Variants in ZNF563 observed in about 807,000 individuals in gnomAD.
ZNF563 encodes the protein zinc finger protein 563.
ZNF563 carries 39 observed loss-of-function variants against 48.5 expected under a neutral mutation model. The ratio of observed to expected loss-of-function variants is 0.80; its 90% CI spans 0.62 to 1.05. The LOEUF (loss-of-function observed/expected upper bound fraction) is 1.05, where lower values mean the gene tolerates loss of function less well. ZNF563 is among the 50% of genes least tolerant of loss of function. The pLI, the probability that ZNF563 is intolerant of heterozygous loss-of-function variation, is 0.00. For missense variants in ZNF563, 538 were observed against 597.0 expected, an observed-to-expected ratio of 0.90 and a Z score of 1.03; for synonymous variants, 168 against 187.9, an observed-to-expected ratio of 0.89 and a Z score of 0.87.
intron 1 of ZNF563, among the ~76,000 whole-genome samples, chr19:12,330,596 C>T (rs1277691665): frequency 3.3e-5 from 5 of 152,140 alleles, no homozygotes; most frequent in Non-Finnish European, 5.9e-5. Context: ...GGAACAAGAG[C>T]ATCTATTTAA....
chr19:12,320,325 T>G (rs1039658416), intron 3 of ZNF563, among the ~76,000 whole-genome samples: 4 of 152,056 alleles, frequency 2.6e-5, no homozygotes, highest in African/African-American at 9.7e-5. Context: ...GGGTTTTTTT[T>G]TTTTCCTTTT....
At chr19:12,345,875 GCCT>G in the ZNF563 span, 14 of 152,198 alleles carry the variant, frequency 9.2e-5, no homozygotes, top group African/African-American at 3.1e-4. Context: ...TCAAGATCAT[GCCT>G]CTGCACTCCA....
intron 1 of ZNF563, among the ~76,000 whole-genome samples, chr19:12,330,984 C>T (rs1968904129): frequency 6.6e-6 from 1 of 152,088 alleles, no homozygotes; most frequent in Non-Finnish European, 1.5e-5. Flanking sequence ...AAAAACAAAA[C>T]AACAGCAACA....
chr19:12,326,623 G>A (rs978548253), intron 1 of ZNF563, among the ~76,000 whole-genome samples: 11 of 149,538 alleles, frequency 7.4e-5, no homozygotes, highest in East Asian at 2.0e-4. Context: ...CAGTATGGGC[G>A]ACTGAGACTC....
chr19:12,343,142 A>T, the ZNF563 span, among the ~76,000 whole-genome samples: 2 of 151,980 alleles, frequency 1.3e-5, no homozygotes, highest in African/African-American at 4.8e-5. Context: ...GGTTGCAGTG[A>T]GCTGAGATCA....
the ZNF563 span, among the ~76,000 whole-genome samples, chr19:12,344,410 G>C: frequency 6.6e-6 from 1 of 150,694 alleles, no homozygotes; most frequent in African/African-American, 2.4e-5. Context: ...TGCAAAAGTG[G>C]TTCAATATAC....
chr19:12,327,547 T>C (rs1415259486), intron 1 of ZNF563, among the ~76,000 whole-genome samples: 5 of 151,470 alleles, frequency 3.3e-5, no homozygotes, highest in African/African-American at 4.9e-5. Context: ...GTAATATACA[T>C]ATACATATTA....
chr19:12,331,873 A>G (rs1271689636), intron 1 of ZNF563, among the ~76,000 whole-genome samples: 2 of 152,212 alleles, frequency 1.3e-5, no homozygotes, highest in African/African-American at 4.8e-5. Context: ...CTTCCAGATA[A>G]GGTGCCTGTG....
At chr19:12,339,273 C>CTTTTTTTTTT in the ZNF563 span, among the ~76,000 whole-genome samples, 13 of 86,476 alleles carry the variant, frequency 1.5e-4, no homozygotes, top group Non-Finnish European at 2.7e-4. Context: ...CAGTTGATTT[C>CTTTTTTTTTT]TTTTTTTTTT....
At chr19:12,333,232 G>A (rs2145821560) in intron 1 of ZNF563, among the ~76,000 whole-genome samples, 1 of 152,312 alleles carries the variant, frequency 6.6e-6, no homozygotes, top group African/African-American at 2.4e-5. Context: ...GCGAGGAGCT[G>A]CCCAGACAGG....
intron 2 of ZNF563, 30 bp from the exon 3 acceptor site, chr19:12,321,362 C>T: frequency 7.0e-7 from 1 of 1,427,442 alleles, no homozygotes; most frequent in East Asian, 2.5e-5. Context: ...AATCACTATA[C>T]ATTATTAGAA....
intron 1 of ZNF563, among the ~76,000 whole-genome samples, chr19:12,331,488 T>G (rs903029777): frequency 6.6e-6 from 1 of 152,226 alleles, no homozygotes; most frequent in African/African-American, 2.4e-5. Flanking sequence ...ATTCAAAGGA[T>G]GGGAATCATT....
In ZNF563 at chr19:12,318,694, G is replaced by A. The variant is rs552722996; in HGVS notation, c.1331C>T (p.Thr444Met). 46 of 1,614,092 alleles carry A rather than the reference G, an allele frequency of 2.8e-5. No homozygotes were observed. Among genetic ancestry groups the A allele is most frequent in the Middle Eastern group, 1.6e-4 (1 of 6,062 alleles). The change falls in exon 4 of 4, where the codon ACG (threonine) becomes ATG (methionine). Residue 444 changes from threonine to methionine, a missense_variant. By Grantham distance (81) the Thr-to-Met change is moderately conservative. Coordinates refer to ENST00000293725, the MANE Select transcript of ZNF563 (RefSeq NM_145276.3). ...SSFRRHMVMH[T>M]GDGPNKCKVC... ...CTTGCATTTATTCGGCCCATCTCCC[G>A]TATGCATTACCATATGTCTTCGAAA...
chr19:12,330,168 C>A (rs1968888638), intron 1 of ZNF563, among the ~76,000 whole-genome samples: 1 of 152,160 alleles, frequency 6.6e-6, no homozygotes, highest in African/African-American at 2.4e-5. Context: ...GATCCATACA[C>A]CTCGGCCTCC....
chr19:12,330,110 G>A (rs1053321518), intron 1 of ZNF563, among the ~76,000 whole-genome samples: 32 of 151,990 alleles, frequency 2.1e-4, no homozygotes, highest in African/African-American at 7.0e-4. Context: ...TAGTAGAGAC[G>A]GGCTTCCCCA....
At chr19:12,337,050 C>T (rs974776676), upstream of ZNF563, among the ~76,000 whole-genome samples, 8 of 152,158 alleles carry the variant, frequency 5.3e-5, no homozygotes, top group Non-Finnish European at 1.0e-4. Context: ...TAACCTGTGT[C>T]ACTACCTGCT....
At chr19:12,328,398 G>A (rs1968843629) in intron 1 of ZNF563, among the ~76,000 whole-genome samples, 1 of 152,198 alleles carries the variant, frequency 6.6e-6, no homozygotes, top group South Asian at 2.1e-4. Context: ...CTTGAGCCTA[G>A]GAGTTGGAGG....
chr19:12,339,009 G>A, the ZNF563 span, among the ~76,000 whole-genome samples: 1 of 152,124 alleles, frequency 6.6e-6, no homozygotes, highest in Middle Eastern at 3.2e-3. Flanking sequence ...TACCTCTGTT[G>A]CAGGCAGCCA....
At chr19:12,325,701 C>A (rs1332506747) in intron 1 of ZNF563, among the ~76,000 whole-genome samples, 1 of 152,198 alleles carries the variant, frequency 6.6e-6, no homozygotes, top group African/African-American at 2.4e-5. Context: ...GTAAATGCTA[C>A]AGCAGAGTTT....
Sources: allele counts gnomAD v4.1 joint callset (sites outside exome capture counted in the v4.1 genomes callset), GRCh38; gene constraint gnomAD v4.1.1; transcripts MANE v1.5; gene names NCBI Gene and HGNC (gene_info 2026-07-23, HGNC 2026-07-21).